KLHL4: variants seen among roughly 807,000 people sequenced by gnomAD.
The protein encoded by KLHL4 is kelch-like protein 4.
KLHL4 carries 17 observed loss-of-function variants against 45.8 expected under a neutral mutation model. The ratio of observed to expected loss-of-function variants is 0.37; its 90% CI spans 0.25 to 0.56. The LOEUF (loss-of-function observed/expected upper bound fraction) is 0.56. KLHL4 is among the 20% of genes least tolerant of loss of function. The pLI, the probability that KLHL4 is intolerant of heterozygous loss-of-function variation, is 0.79. For missense variants in KLHL4, 544 were observed against 544.9 expected (o/e 1.00, Z 0.02); for synonymous variants, 224 against 189.9 (o/e 1.18, Z -1.47).
intron 9 of KLHL4, among the ~76,000 whole-genome samples, chrX:87,640,391 AG>A (rs1923412439): frequency 1.8e-5 from 2 of 111,649 alleles, no homozygotes; most frequent in Admixed American, 1.9e-4. Context: ...ATAACAAAAA[AG>A]AAAACTACAG....
At chrX:87,531,767 A>G (rs1386421877) in intron 1 of KLHL4, among the ~76,000 whole-genome samples, 1 of 97,969 alleles carries the variant, frequency 1.0e-5, no homozygotes, top group Admixed American at 1.2e-4. Context: ...TAGGAATCCA[A>G]CTTACAAGGG....
At position 87,618,099 on chromosome X, in the gene KLHL4, C is replaced by G; in HGVS notation, c.895C>G (p.Leu299Val). 1 of 1,203,426 alleles carries G rather than the reference C, an allele frequency of 8.3e-7. No homozygotes were observed. The highest frequency in any genetic ancestry group is 2.2e-5 in the Admixed American group (1 of 45,375). ...TGGAGATGCCCAAGGCTGTACAGAA[C>G]TTCTGAACGTGGCACACAAATACAC... ...SFGDAQGCTE[L>V]LNVAHKYTME... Residue 299 changes from leucine to valine, a missense_variant, in exon 4 of 11, where the codon CTT (leucine) becomes GTT (valine). By Grantham distance (32) the Leu-to-Val change is conservative. Transcript: ENST00000373119.
chrX:87,643,113 A>G (rs1471980320), intron 9 of KLHL4, among the ~76,000 whole-genome samples: 1 of 111,908 alleles, frequency 8.9e-6, no homozygotes, highest in Admixed American at 9.5e-5. Context: ...AAAAAAATAC[A>G]AAAGATAAAT....
chrX:87,542,268 A>T (rs1335297068), intron 1 of KLHL4, among the ~76,000 whole-genome samples: 1 of 112,222 alleles, frequency 8.9e-6, no homozygotes. Context: ...TCTGGGGAGA[A>T]ATTTAAGCCT....
rs1242980321 is a variant in KLHL4, at chrX:87,668,089, A to G, written c.*1555A>G. The G allele has an allele frequency of 4.0e-6, 3 of 748,185 alleles. No homozygotes were observed. Among genetic ancestry groups the G allele is most frequent in the Non-Finnish European group, 4.7e-6 (3 of 634,671 alleles). 61.7% of individuals were successfully genotyped at this position (748,185 alleles called of 1,213,427 possible). ...TGTCTCTAATTCTAAAGAGAGAGCT[A>G]TAGATTTCTGCAGTTCTAGAGGTGA... On this transcript the variant is annotated 3_prime_UTR_variant, in exon 11 of 11. Transcript: ENST00000373119.
At chrX:87,659,937 C>T (rs919259364) in intron 9 of KLHL4, among the ~76,000 whole-genome samples, 19 of 99,056 alleles carry the variant, frequency 1.9e-4, no homozygotes, top group African/African-American at 5.3e-4. Flanking sequence ...GCGTGCTTTC[C>T]GGATGTGTGT....
At position 87,635,666 on chromosome X, in the gene KLHL4, A is replaced by G; in HGVS notation, c.1816A>G (p.Arg606Gly). Residue 606 changes from arginine to glycine, a missense_variant, in exon 9 of 11, where the codon AGA becomes GGA. By Grantham distance (125) the Arg-to-Gly change is moderately radical (BLOSUM62 -2). Transcript: ENST00000373119. ...KWSLCAPMSK[R>G]RGGVGVATYN... Reference sequence around the variant, plus strand: ...GAGTTTGTGTGCTCCAATGTCCAAAAGACGTGGAGGTGTGGGAGTTGCCAC... The same window carrying G: ...GAGTTTGTGTGCTCCAATGTCCAAAGGACGTGGAGGTGTGGGAGTTGCCAC... The G allele has an allele frequency of 8.3e-7, 1 of 1,209,874 alleles. No homozygotes were observed. The highest frequency in any genetic ancestry group is 1.7e-5 in the African/African-American group (1 of 57,867).
rs766695074 is a variant in KLHL4 at position 87,545,927 on chromosome X, C to T, written c.422+27612C>T. On this transcript the variant is annotated intron_variant, in intron 1 of 10. Coordinates refer to ENST00000373119, the MANE Select transcript of KLHL4 (RefSeq NM_019117.5). ...AAAGAGACTGGCAGCATTTTGCCCA[C>T]GCCCTAGAGATCTGTGGAACTTTGA... 7.2e-5 allele frequency among the ~76,000 whole-genome samples: 8 copies of T among 111,716 alleles called. No homozygotes were observed. The South Asian group carries it at 1.1e-3, about 16-fold the overall frequency.
At chrX:87,666,086 G>A (rs761313) in intron 10 of KLHL4, among the ~76,000 whole-genome samples, 6,209 of 111,610 alleles carry the variant, frequency 0.056, 434 homozygotes, top group African/African-American at 0.19. Context: ...CTGTTTCATC[G>A]TGTGATCTTG....
chrX:87,642,065 C>T lies in KLHL4; in HGVS notation c.1925+6290C>T, dbSNP rs996164202. On this transcript the variant is annotated intron_variant, in intron 9 of 10. Transcript: ENST00000373119. ...GCTGATGCTTTCTGGAAAGTGCCAC[C>T]TCCTGGCAGGAGGCCACCCAGAACA... 2.7e-5 allele frequency among the ~76,000 whole-genome samples: 3 copies of T among 111,025 alleles called. No homozygotes were observed. In the East Asian group the frequency reaches 8.6e-4, roughly 32 times the overall value.
Position 87,667,209 on chromosome X carries a change from T to C in KLHL4, c.*675T>C. On this transcript the variant is annotated 3_prime_UTR_variant, in exon 11 of 11. Transcript: ENST00000373119. ...ATTTGGTATTTCTTAACATATTATCTTGTTAGATTTGTTACCAGTAAAATA... is the reference window on the plus strand; with the variant it reads ...ATTTGGTATTTCTTAACATATTATCCTGTTAGATTTGTTACCAGTAAAATA... 8.4e-6 allele frequency: 6 copies of C among 713,576 alleles called. No individual in the cohort carries two copies. The highest frequency in any genetic ancestry group is 1.0e-5 in the Non-Finnish European group (6 of 602,437). 58.8% of individuals were successfully genotyped at this position (713,576 alleles called of 1,213,427 possible).
intron 1 of KLHL4, among the ~76,000 whole-genome samples, chrX:87,557,863 C>T (rs959339739): frequency 1.8e-5 from 2 of 111,423 alleles, no homozygotes; most frequent in African/African-American, 3.3e-5. Context: ...CACTTTGTGC[C>T]GTAAGGGATC....
intron 1 of KLHL4, among the ~76,000 whole-genome samples, chrX:87,584,839 G>T (rs1439999381): frequency 1.1e-5 from 1 of 91,751 alleles, no homozygotes; most frequent in Non-Finnish European, 2.1e-5. Context: ...CCCAAACCTA[G>T]GAAAAGTTAT....
At chrX:87,573,827 A>G (rs1348683829) in intron 1 of KLHL4, among the ~76,000 whole-genome samples, 1 of 111,898 alleles carries the variant, frequency 8.9e-6, no homozygotes, top group Non-Finnish European at 1.9e-5. Context: ...TATAAAGGAA[A>G]GTCTTAAAAT....
chrX:87,618,761 A>G (rs185116858), intron 4 of KLHL4, among the ~76,000 whole-genome samples: 1 of 111,571 alleles, frequency 9.0e-6, no homozygotes, highest in Admixed American at 9.6e-5. Context: ...AGCCTCCCAA[A>G]GTGCTGGGAT....
chrX:87,619,996 T>C (rs56828310), intron 4 of KLHL4, among the ~76,000 whole-genome samples: 7 of 111,821 alleles, frequency 6.3e-5, no homozygotes, highest in African/African-American at 2.3e-4. Context: ...TTGCCTTCCC[T>C]AATGTGAATG....
chrX:87,661,102 A>G (rs1416903662), intron 9 of KLHL4, among the ~76,000 whole-genome samples: 1 of 112,360 alleles, frequency 8.9e-6, no homozygotes, highest in Non-Finnish European at 1.9e-5. Context: ...GAAGTAAATC[A>G]TGTAAATATA....
chrX:87,617,022 A>G (rs1362719545), intron 3 of KLHL4, among the ~76,000 whole-genome samples: 1 of 111,884 alleles, frequency 8.9e-6, no homozygotes, highest in Non-Finnish European at 1.9e-5. Context: ...GCCATTTGAA[A>G]CATTCTTTAT....
In KLHL4 at chrX:87,614,446, C is replaced by A. The variant is rs758611061; in HGVS notation, c.603C>A (p.Ser201Arg). ...TTCCTATTTCCAGGTTGGTTCTCAG[C>A]GCAGTGTCTGATTATTTTGCTGCAA... is the stretch of plus-strand genomic sequence containing the variant. ...LRIPAHRLVLSAVSDYFAAMF... is the reference protein window; with the variant it reads ...LRIPAHRLVLRAVSDYFAAMF... The change falls in exon 3 of 11, where the codon AGC becomes AGA. Residue 201 changes from serine to arginine, a missense_variant. Coordinates refer to ENST00000373119, the MANE Select transcript of KLHL4 (RefSeq NM_019117.5). The A allele has an allele frequency of 8.3e-7, 1 of 1,207,022 alleles. No homozygotes were observed. Among genetic ancestry groups the A allele is most frequent in the Non-Finnish European group, 1.1e-6 (1 of 892,372 alleles).
Sources: allele counts gnomAD v4.1 joint callset (sites outside exome capture counted in the v4.1 genomes callset), GRCh38; gene constraint gnomAD v4.1.1; transcripts MANE v1.5; gene names NCBI Gene and HGNC (gene_info 2026-07-23, HGNC 2026-07-21).